The following AK8 variants were observed in gnomAD, a reference collection of about 807,000 sequenced individuals.
AK8 encodes the protein adenylate kinase 8.
A neutral mutation model predicts 54.6 loss-of-function variants in AK8; 44 were observed. That is an observed-to-expected ratio of 0.81 (90% CI 0.63 to 1.04). The LOEUF is 1.04. Ranked by LOEUF, AK8 falls within the 50% of genes least tolerant of loss-of-function variation. The probability of loss-of-function intolerance (pLI) is 0.00; values close to 1 mark genes in which losing one functional copy is unlikely to be tolerated. For synonymous variants in AK8, 239 were observed against 245.6 expected, an observed-to-expected ratio of 0.97 and a Z score of 0.25; for missense variants, 555 against 613.6, an observed-to-expected ratio of 0.90 and a Z score of 1.01.
chr9:132,850,463 G>A (rs546726777), intron 5 of AK8, among the ~76,000 whole-genome samples: 2 of 145,264 alleles, frequency 1.4e-5, no homozygotes, highest in Non-Finnish European at 3.0e-5. Context: ...GTGGCGTGAT[G>A]TTGGCTCACT....
intron 10 of AK8, among the ~76,000 whole-genome samples, chr9:132,805,081 G>C (rs952645637): frequency 6.6e-6 from 1 of 152,184 alleles, no homozygotes; most frequent in African/African-American, 2.4e-5. Context: ...GAGACCTCCC[G>C]ACTGGAGAAG....
chr9:132,740,724 A>G (rs755934275), intron 11 of AK8, among the ~76,000 whole-genome samples: 16 of 151,458 alleles, frequency 1.1e-4, no homozygotes, highest in Non-Finnish European at 1.5e-4. Flanking sequence ...CCCCCGCCCC[A>G]CTCTGGGGCT....
At chr9:132,794,071 C>A (rs1564404319) in intron 10 of AK8, among the ~76,000 whole-genome samples, 2 of 152,216 alleles carry the variant, frequency 1.3e-5, no homozygotes, top group South Asian at 4.1e-4. Flanking sequence ...TGGGTTGCTG[C>A]CCTTGTCACC....
At chr9:132,858,144 C>T (rs184512571) in intron 4 of AK8, among the ~76,000 whole-genome samples, 6 of 152,360 alleles carry the variant, frequency 3.9e-5, no homozygotes, top group East Asian at 1.9e-4. Context: ...CAGTTGCTCC[C>T]GTGCTGCTTC....
At chr9:132,849,686 C>A (rs1182919501) in intron 5 of AK8, among the ~76,000 whole-genome samples, 1 of 152,212 alleles carries the variant, frequency 6.6e-6, no homozygotes, top group Non-Finnish European at 1.5e-5. Context: ...AGAACAAGCT[C>A]GTGAGAACTG....
At chr9:132,878,430 G>A, upstream of AK8, 4 of 1,232,656 alleles carry the variant, frequency 3.2e-6, no homozygotes, top group Middle Eastern at 3.2e-4. The surrounding 1 kb of genome is among the most constrained non-coding windows in gnomAD (Gnocchi z 4.7). Context: ...CGCGCTCTGC[G>A]GCTCGGGCAA....
intron 11 of AK8, among the ~76,000 whole-genome samples, chr9:132,761,730 C>T (rs1838481257): frequency 6.6e-6 from 1 of 152,078 alleles, no homozygotes; most frequent in South Asian, 2.1e-4. Context: ...GTTTCATCCT[C>T]TTTTTCATTT....
intron 9 of AK8, among the ~76,000 whole-genome samples, chr9:132,818,670 T>C (rs964686636): frequency 1.8e-4 from 28 of 151,862 alleles, no homozygotes; most frequent in African/African-American, 6.8e-4. Context: ...AAAGAACAGA[T>C]GACACAAGTA....
chr9:132,812,530 T>TGCCCACTGGGATGACGGGTGGGCCGCCGC (rs1841087042), intron 10 of AK8, among the ~76,000 whole-genome samples: 1 of 130,644 alleles, frequency 7.7e-6, no homozygotes, highest in African/African-American at 2.8e-5. Context: ...TGAGCTACCG[T>TGCCCACTGGGATGACGGGTGGGCCGCCGC]GCCCACTGGG....
At chr9:132,733,848 G>T (rs1836977520) in intron 11 of AK8, among the ~76,000 whole-genome samples, 1 of 152,206 alleles carries the variant, frequency 6.6e-6, no homozygotes, top group Non-Finnish European at 1.5e-5. Context: ...GTGGGTGAGG[G>T]TAGTGGGTGC....
chr9:132,816,401 G>A (rs1034998584), intron 9 of AK8, among the ~76,000 whole-genome samples: 2 of 151,832 alleles, frequency 1.3e-5, no homozygotes, highest in South Asian at 2.1e-4. Context: ...AAGCTGCTGA[G>A]AACTGAGACA....
intron 3 of AK8, among the ~76,000 whole-genome samples, chr9:132,865,934 AC>A (rs1376404784): frequency 2.0e-5 from 3 of 152,220 alleles, no homozygotes; most frequent in Non-Finnish European, 4.4e-5. Flanking sequence ...GTGGTGGCTC[AC>A]GTCTGTAATC....
chr9:132,832,147 T>TA (rs11284702), intron 5 of AK8, among the ~76,000 whole-genome samples: 24,646 of 105,184 alleles, frequency 0.23, 3,234 homozygotes, highest in East Asian at 0.42. Flanking sequence ...CACTGACATT[T>TA]AAAAAAAAAA....
At chr9:132,731,628 T>C (rs975873818) in intron 11 of AK8, among the ~76,000 whole-genome samples, 47 of 152,348 alleles carry the variant, frequency 3.1e-4, no homozygotes, top group Middle Eastern at 3.4e-3. Flanking sequence ...GAGCACTGCA[T>C]ATGGACATGG....
intron 2 of AK8, 50 bp downstream of exon 2, chr9:132,875,065 G>C (rs1360915407): frequency 1.2e-6 from 2 of 1,608,706 alleles, no homozygotes; most frequent in African/African-American, 2.7e-5. Flanking sequence ...GGGGAAGGAG[G>C]AGGAGGGGAA....
At chr9:132,844,217 T>C (rs1842649797) in intron 5 of AK8, among the ~76,000 whole-genome samples, 1 of 141,556 alleles carries the variant, frequency 7.1e-6, no homozygotes, top group South Asian at 2.2e-4. Flanking sequence ...ATCGTTCCAA[T>C]ACAGAGTGCT....
rs138782466 is a variant in AK8 at position 132,771,366 on chromosome 9, C to T, written c.1121+21268G>A. Among the ~76,000 whole-genome samples the T allele has an allele frequency of 2.6e-3, 401 of 152,304 alleles. 1 individual carries two copies. The highest frequency in any genetic ancestry group is 4.8e-3 in the Non-Finnish European group (328 of 68,022). ...GAGAATTATGTCCCTGTCAACAGAA[C>T]GGGCCAGGAATCATGCACATGGCAG... On this transcript the variant is annotated intron_variant, in intron 11 of 12. Coordinates refer to ENST00000298545, the MANE Select transcript of AK8 (RefSeq NM_152572.3).
rs142972293 is a variant in AK8, at chr9:132,778,754, G to A, written c.1121+13880C>T. 2.7e-3 allele frequency among the ~76,000 whole-genome samples: 413 copies of A among 151,852 alleles called. 3 individuals are homozygous for A. Among genetic ancestry groups the A allele is most frequent in the Admixed American group, 0.019 (296 of 15,238 alleles). Reference sequence around the variant, plus strand: ...TCATAATGTACCACCATATTCCATCGTTTAAAATTGGACATAATTGAAACA... The same window carrying A: ...TCATAATGTACCACCATATTCCATCATTTAAAATTGGACATAATTGAAACA... On this transcript the variant is annotated intron_variant, in intron 11 of 12. Coordinates refer to ENST00000298545, the MANE Select transcript of AK8 (RefSeq NM_152572.3).
chr9:132,838,425 G>A (rs1842410762), intron 5 of AK8, among the ~76,000 whole-genome samples: 2 of 152,208 alleles, frequency 1.3e-5, no homozygotes, highest in African/African-American at 4.8e-5. Flanking sequence ...TTCATGTTCA[G>A]TAAAGGAAAC....
Sources: gnomAD v4.1 joint callset for allele counts (sites outside exome capture counted in the v4.1 genomes callset) on GRCh38, gnomAD v4.1.1 for gene constraint, Gnocchi (gnomAD v3.1) non-coding constraint, MANE v1.5 for transcripts, NCBI Gene and HGNC (gene_info 2026-07-23, HGNC 2026-07-21) for gene names.